The following PCDH9 variants were observed in gnomAD, a reference collection of about 807,000 sequenced individuals.
PCDH9 encodes protocadherin 9.
A neutral mutation model predicts 70.6 loss-of-function variants in PCDH9; 24 were observed. That is an observed-to-expected ratio of 0.34 (90% CI 0.25 to 0.48). PCDH9 has a LOEUF of 0.48. Ranked by LOEUF, PCDH9 falls within the 20% of genes least tolerant of loss-of-function variation. PCDH9 has a pLI of 0.99. For missense variants in PCDH9, 1,281 were observed against 1,503.6 expected, an observed-to-expected ratio of 0.85 and a Z score of 2.45; for synonymous variants, 562 against 558.5, an observed-to-expected ratio of 1.01 and a Z score of -0.09.
intron 3 of PCDH9, among the ~76,000 whole-genome samples, chr13:66,696,121 A>G (rs1285487414): frequency 6.6e-6 from 1 of 152,130 alleles, no homozygotes; most frequent in African/African-American, 2.4e-5. Flanking sequence ...ACTTAAAAGC[A>G]GAATATTATT....
intron 2 of PCDH9, among the ~76,000 whole-genome samples, chr13:67,083,399 A>G (rs566611784): frequency 4.6e-5 from 7 of 152,142 alleles, no homozygotes; most frequent in Non-Finnish European, 1.0e-4. Flanking sequence ...AACAAAAATT[A>G]TGTCACTGGC....
intron 4 of PCDH9, among the ~76,000 whole-genome samples, chr13:66,396,670 C>A (rs1454877892): frequency 1.3e-5 from 2 of 152,168 alleles, no homozygotes; most frequent in Non-Finnish European, 2.9e-5. Context: ...TAGTGAAAGT[C>A]TCAGTTTAAC....
At chr13:66,417,635 G>C (rs568691602) in intron 4 of PCDH9, among the ~76,000 whole-genome samples, 1 of 152,264 alleles carries the variant, frequency 6.6e-6, no homozygotes, top group East Asian at 1.9e-4. Flanking sequence ...ACAGTGTAAA[G>C]TATTCCTATT....
intron 4 of PCDH9, among the ~76,000 whole-genome samples, chr13:66,433,731 C>T (rs1453412962): frequency 6.6e-6 from 1 of 151,566 alleles, no homozygotes; most frequent in East Asian, 1.9e-4. Flanking sequence ...AACATTGGTC[C>T]TATTCAAGAT....
rs542618177 is a variant in PCDH9, at chr13:67,007,230, A to G, written c.3037-103625T>C. ...AAAAATATTTCAGAACATTGGTTCAATGTCATGGTATTGAATATTGTACAG... is the reference window on the plus strand; with the variant it reads ...AAAAATATTTCAGAACATTGGTTCAGTGTCATGGTATTGAATATTGTACAG... On this transcript the variant is annotated intron_variant, in intron 2 of 4. Coordinates refer to ENST00000377865, the MANE Select transcript of PCDH9 (RefSeq NM_203487.3). Among the ~76,000 whole-genome samples the G allele has an allele frequency of 1.2e-4, 18 of 152,284 alleles. No individual in the cohort carries two copies. In the East Asian group the frequency reaches 2.7e-3, roughly 23 times the overall value.
intron 4 of PCDH9, among the ~76,000 whole-genome samples, chr13:66,406,922 C>T (rs1957290272): frequency 6.6e-6 from 1 of 152,030 alleles, no homozygotes; most frequent in Admixed American, 6.6e-5. Flanking sequence ...TTTTTAGCTG[C>T]AGAAAAATTT....
chr13:67,064,593 G>T (rs1185205114), intron 2 of PCDH9, among the ~76,000 whole-genome samples: 1 of 152,014 alleles, frequency 6.6e-6, no homozygotes, highest in Non-Finnish European at 1.5e-5. Context: ...ATATGATTCT[G>T]CTAAACTAGA....
intron 2 of PCDH9, among the ~76,000 whole-genome samples, chr13:67,114,245 G>T (rs1308965120): frequency 1.3e-5 from 2 of 151,992 alleles, no homozygotes; most frequent in Non-Finnish European, 2.9e-5. Context: ...TGAAATCCAT[G>T]AAACATTAAT....
At chr13:66,774,236 T>A (rs536187050) in intron 3 of PCDH9, among the ~76,000 whole-genome samples, 6 of 152,284 alleles carry the variant, frequency 3.9e-5, no homozygotes, top group South Asian at 2.1e-4. Flanking sequence ...ACAGACTTGC[T>A]ATTAGGAGAG....
At chr13:66,953,972 A>T (rs564178231) in intron 2 of PCDH9, among the ~76,000 whole-genome samples, 1 of 152,310 alleles carries the variant, frequency 6.6e-6, no homozygotes, top group East Asian at 1.9e-4. Flanking sequence ...GAAAACAACT[A>T]AAATTTCAGG....
chr13:66,820,215 A>C (rs1008151485), intron 3 of PCDH9, among the ~76,000 whole-genome samples: 3 of 152,080 alleles, frequency 2.0e-5, no homozygotes, highest in African/African-American at 7.2e-5. Flanking sequence ...AAAAACACAA[A>C]CATAAGCCAT....
At chr13:66,594,545 A>G (rs1306432869) in intron 4 of PCDH9, among the ~76,000 whole-genome samples, 1 of 150,364 alleles carries the variant, frequency 6.7e-6, no homozygotes, top group African/African-American at 2.4e-5. Context: ...CATGTGCAAG[A>G]TGTACAGGTT....
chr13:66,967,279 T>C (rs2139738942), intron 2 of PCDH9, among the ~76,000 whole-genome samples: 2 of 152,218 alleles, frequency 1.3e-5, no homozygotes, highest in East Asian at 1.9e-4. Flanking sequence ...GAATTATTCG[T>C]AGTGATATCA....
intron 4 of PCDH9, among the ~76,000 whole-genome samples, chr13:66,534,568 A>G (rs1960608572): frequency 6.6e-6 from 1 of 152,102 alleles, no homozygotes; most frequent in African/African-American, 2.4e-5. Context: ...TCCTGATTCC[A>G]CCACACTGGG....
chr13:66,313,087 C>G (rs749269538), intron 4 of PCDH9, among the ~76,000 whole-genome samples: 18 of 152,158 alleles, frequency 1.2e-4, no homozygotes, highest in Non-Finnish European at 1.8e-4. Flanking sequence ...TCTGCTAAAG[C>G]TAATTGCTGT....
intron 2 of PCDH9, among the ~76,000 whole-genome samples, chr13:66,911,881 G>A (rs1453843472): frequency 6.6e-6 from 1 of 152,138 alleles, no homozygotes; most frequent in African/African-American, 2.4e-5. Context: ...CTCTTCAAAC[G>A]TATTCGAAGG....
chr13:67,145,821 G>GACT (rs2087510015), intron 2 of PCDH9, among the ~76,000 whole-genome samples: 1 of 151,926 alleles, frequency 6.6e-6, no homozygotes, highest in Admixed American at 6.6e-5. Context: ...AAAGTGTTTA[G>GACT]AAAGTCACTT....
chr13:66,695,060 C>A (rs971712960), intron 3 of PCDH9, among the ~76,000 whole-genome samples: 2 of 151,990 alleles, frequency 1.3e-5, no homozygotes, highest in East Asian at 3.9e-4. Context: ...CCTGCCACCA[C>A]GCCCGGCTAA....
At chr13:66,825,021 G>A (rs751765810) in intron 3 of PCDH9, 17 of 151,560 alleles carry the variant, frequency 1.1e-4, no homozygotes, top group Non-Finnish European at 2.1e-4. Context: ...AAAATATTTC[G>A]AAAGGTTTAA....
Sources: gnomAD v4.1 joint callset for allele counts (sites outside exome capture counted in the v4.1 genomes callset) on GRCh38, gnomAD v4.1.1 for gene constraint, MANE v1.5 for transcripts, NCBI Gene and HGNC (gene_info 2026-07-23, HGNC 2026-07-21) for gene names.